ACOT9: variants seen among roughly 807,000 people sequenced by gnomAD.
The protein encoded by ACOT9 is acyl-CoA thioesterase 9, also known as acyl-coenzyme A thioesterase 9, mitochondrial.
In ACOT9, 34 loss-of-function variants were observed where a neutral mutation model predicts 39.7. That is an observed-to-expected ratio of 0.86 (90% CI 0.65 to 1.14). ACOT9 has a LOEUF of 1.14. Ranked by LOEUF, ACOT9 falls within the 50% of genes most tolerant of loss-of-function variation. The pLI, the probability that ACOT9 is intolerant of heterozygous loss-of-function variation, is 0.00. For synonymous variants in ACOT9, 110 were observed against 120.5 expected, an observed-to-expected ratio of 0.91 and a Z score of 0.57; for missense variants, 313 against 344.1, an observed-to-expected ratio of 0.91 and a Z score of 0.71.
intron 4 of ACOT9, 112 bp downstream of exon 4, chrX:23,733,060 T>C (rs1929813352): frequency 1.5e-6 from 1 of 686,909 alleles, no homozygotes; most frequent in African/African-American, 2.2e-5. Flanking sequence ...TCTCAACCTA[T>C]CTCTGAACAT....
chrX:23,702,656 G>C lies in ACOT9; in HGVS notation c.*1238C>G, dbSNP rs762509204. On this transcript the variant is annotated 3_prime_UTR_variant, in exon 16 of 16. Transcript: ENST00000379303. ...TTCCTTGGAAGAAGTACAGGCACTGGTCAAGAGTGCCCGGGACCCACATTG... is the reference window on the plus strand; with the variant it reads ...TTCCTTGGAAGAAGTACAGGCACTGCTCAAGAGTGCCCGGGACCCACATTG... 2 of 111,686 alleles carry C rather than the reference G, an allele frequency of 1.8e-5. No homozygotes were observed. The highest frequency in any genetic ancestry group is 6.5e-5 in the African/African-American group (2 of 30,743). The allele number at this position is 111,686 out of a possible 1,213,427, so 9.2% of individuals were successfully genotyped here.
At chrX:23,707,435 A>T (rs184722295) in intron 10 of ACOT9, among the ~76,000 whole-genome samples, 1 of 111,971 alleles carries the variant, frequency 8.9e-6, no homozygotes, top group Non-Finnish European at 1.9e-5. Context: ...TCAATAAATT[A>T]TTGGTATGAA....
intron 10 of ACOT9, 180 bp downstream of exon 10, chrX:23,707,697 A>C (rs992612551): frequency 3.0e-6 from 1 of 328,403 alleles, no homozygotes; most frequent in Non-Finnish European, 5.4e-6. Flanking sequence ...AGATGGCACC[A>C]CTGCACTCCA....
chrX:23,739,356 TC>T (rs1188202473), intron 1 of ACOT9, among the ~76,000 whole-genome samples: 2 of 111,307 alleles, frequency 1.8e-5, no homozygotes, highest in Non-Finnish European at 3.8e-5. Flanking sequence ...ATACTACCTA[TC>T]CCATAGGATT....
chrX:23,707,787 G>T, intron 10 of ACOT9, 90 bp downstream of exon 10: 2 of 635,859 alleles, frequency 3.1e-6, no homozygotes, highest in Non-Finnish European at 4.7e-6. Context: ...TGACTGGTAT[G>T]AAGAGCCCAT....
chrX:23,732,152 TCATAACCACCAGATGCAA>T (rs1383809638), intron 4 of ACOT9, among the ~76,000 whole-genome samples: 1 of 111,729 alleles, frequency 9.0e-6, no homozygotes, highest in Non-Finnish European at 1.9e-5. Context: ...GACTAAAGAG[TCATAACCACCAGATGCAA>T]CATGCAATCC....
chrX:23,713,533 T>G (rs1369677049), intron 8 of ACOT9, among the ~76,000 whole-genome samples: 30 of 99,213 alleles, frequency 3.0e-4, no homozygotes, highest in African/African-American at 1.1e-3. Flanking sequence ...GAGCCGAGAT[T>G]GCAGGCCCCT....
chrX:23,729,921 G>A (rs190716222), intron 6 of ACOT9, among the ~76,000 whole-genome samples: 147 of 110,198 alleles, frequency 1.3e-3, no homozygotes, highest in African/African-American at 3.8e-3. Flanking sequence ...GTGAGCCACC[G>A]CGCCTGGCCA....
chrX:23,720,152 T>A (rs1247060647), intron 8 of ACOT9, among the ~76,000 whole-genome samples: 1 of 113,035 alleles, frequency 8.8e-6, no homozygotes, highest in Non-Finnish European at 1.9e-5. Flanking sequence ...TAAATAAGTT[T>A]TCCACAATGA....
rs1196684438 is a variant in ACOT9 at position 23,713,563 on chromosome X, A to G, written c.589-355T>C. ...GCCCCTGTCTAAAAAAAAAAAAAGA[A>G]AAAAAAAAAAGAGAGAGAGAGAGAG... On this transcript the variant is annotated intron_variant, in intron 8 of 15. Transcript: ENST00000379303. Among the ~76,000 whole-genome samples, 30 of 102,941 alleles carry G rather than the reference A, an allele frequency of 2.9e-4. No individual in the cohort carries two copies. The Admixed American group carries it at 3.1e-3, about 11-fold the overall frequency. 89.4% of individuals were successfully genotyped at this position (102,941 alleles called of 115,157 possible).
intron 8 of ACOT9, among the ~76,000 whole-genome samples, chrX:23,714,754 A>G (rs1258791346): frequency 9.0e-6 from 1 of 110,555 alleles, no homozygotes; most frequent in Non-Finnish European, 1.9e-5. Context: ...CCTCCTGACT[A>G]GCTGACACCA....
chrX:23,720,070 T>G (rs907384453), intron 8 of ACOT9, among the ~76,000 whole-genome samples: 1 of 112,529 alleles, frequency 8.9e-6, no homozygotes, highest in African/African-American at 3.2e-5. Context: ...CCTGACCTGG[T>G]GATCTGCCCG....
At chrX:23,741,288 C>T (rs1920961389) in intron 1 of ACOT9, among the ~76,000 whole-genome samples, 1 of 108,070 alleles carries the variant, frequency 9.3e-6, no homozygotes, top group South Asian at 4.0e-4. Flanking sequence ...AATATAACTA[C>T]CATATGATCC....
At chrX:23,731,474 C>CAAAAAAAAAAAAAAAAAAAAAAAA (rs59649997) in intron 4 of ACOT9, among the ~76,000 whole-genome samples, 1 of 68,764 alleles carries the variant, frequency 1.5e-5, no homozygotes, top group African/African-American at 4.5e-5. Flanking sequence ...AAGACTGTCT[C>CAAAAAAAAAAAAAAAAAAAAAAAA]AAAAAAAAAA....
At chrX:23,726,187 C>T (rs990894764) in intron 6 of ACOT9, among the ~76,000 whole-genome samples, 1 of 109,852 alleles carries the variant, frequency 9.1e-6, no homozygotes, top group Non-Finnish European at 1.9e-5. Flanking sequence ...GCAACAAGAG[C>T]GAAACTACAG....
chrX:23,734,282 T>C, intron 3 of ACOT9, 59 bp downstream of exon 3: 1 of 1,068,198 alleles, frequency 9.4e-7, no homozygotes, highest in Non-Finnish European at 1.3e-6. Context: ...CAAGCGTATA[T>C]TAGTGCTTAC....
At chrX:23,727,002 T>A (rs7064163) in intron 6 of ACOT9, among the ~76,000 whole-genome samples, 22,114 of 111,106 alleles carry the variant, frequency 0.2, 1,712 homozygotes, top group Non-Finnish European at 0.22. Context: ...GTAGTTTTAG[T>A]AGAGACGGGG....
intron 6 of ACOT9, among the ~76,000 whole-genome samples, chrX:23,729,942 C>G (rs1873405656): frequency 1.8e-5 from 2 of 110,108 alleles, no homozygotes; most frequent in Non-Finnish European, 3.8e-5. Flanking sequence ...CAGAAAAATT[C>G]TTTATACTGT....
intron 4 of ACOT9, 30 bp from the exon 5 acceptor site, chrX:23,731,016 A>G: frequency 6.0e-6 from 7 of 1,176,415 alleles, no homozygotes; most frequent in Non-Finnish European, 8.1e-6. Flanking sequence ...GATTCATAAA[A>G]CAAGAGCAGT....
Sources: allele counts gnomAD v4.1 joint callset (sites outside exome capture counted in the v4.1 genomes callset), GRCh38; gene constraint gnomAD v4.1.1; transcripts MANE v1.5; gene names NCBI Gene and HGNC (gene_info 2026-07-23, HGNC 2026-07-21).